The following SLC22A23 variants were observed in gnomAD, a reference collection of about 807,000 sequenced individuals.
SLC22A23 encodes solute carrier family 22 member 23, also known as ion transporter protein.
Under a neutral mutation model 61.0 loss-of-function variants are expected in SLC22A23, and 26 were observed. The observed-to-expected ratio is 0.43, with a 90% CI of 0.31 to 0.59. The LOEUF (loss-of-function observed/expected upper bound fraction) is 0.59. Among genes scored for constraint, SLC22A23 ranks in the 20% least tolerant of loss-of-function variants. The pLI, the probability that SLC22A23 is intolerant of heterozygous loss-of-function variation, is 0.11. For synonymous variants in SLC22A23, 430 were observed against 413.9 expected (o/e 1.04, Z -0.47); for missense variants, 796 against 934.7 (o/e 0.85, Z 1.94).
chr6:3,354,380 G>T (rs1464464930), intron 3 of SLC22A23, among the ~76,000 whole-genome samples: 1 of 152,198 alleles, frequency 6.6e-6, no homozygotes, highest in Admixed American at 6.5e-5. Flanking sequence ...TTTACATGAG[G>T]TGGGTTGGGT....
At chr6:3,455,215 A>G (rs1445380423) in intron 1 of SLC22A23, among the ~76,000 whole-genome samples, 1 of 152,176 alleles carries the variant, frequency 6.6e-6, no homozygotes, top group Non-Finnish European at 1.5e-5. Context: ...TTTCAGCTAA[A>G]GCACACCCCC....
At chr6:3,352,795 G>A (rs1291329185) in intron 3 of SLC22A23, among the ~76,000 whole-genome samples, 1 of 152,142 alleles carries the variant, frequency 6.6e-6, no homozygotes, top group African/African-American at 2.4e-5. Context: ...TCTGAGTGAA[G>A]GAAAAGCACA....
chr6:3,290,309 T>G (rs1760462778), intron 5 of SLC22A23: 1 of 208,704 alleles, frequency 4.8e-6, no homozygotes. Flanking sequence ...CACCCCCGGC[T>G]CGGAGACTGG....
At chr6:3,359,134 A>G (rs1765287547) in intron 3 of SLC22A23, among the ~76,000 whole-genome samples, 1 of 152,226 alleles carries the variant, frequency 6.6e-6, no homozygotes, top group Non-Finnish European at 1.5e-5. Context: ...CACGGGCTGC[A>G]TCCAGAATCA....
At position 3,360,428 on chromosome 6, in the gene SLC22A23, A is replaced by G. The variant is rs1765363650; in HGVS notation, c.914-36426T>C. ...TCAGGAGGATCAGAAAGGCTCAATCACCAGGAGGTGAGGTGAGTCACAGAG... is the reference window on the plus strand; with the variant it reads ...TCAGGAGGATCAGAAAGGCTCAATCGCCAGGAGGTGAGGTGAGTCACAGAG... On this transcript the variant is annotated intron_variant, in intron 3 of 9. Transcript: ENST00000406686. This position sits in a 1 kb window ranked among gnomAD's most constrained non-coding sequence, Gnocchi z 4.6. Among the ~76,000 whole-genome samples, 1 of 152,140 alleles carries G rather than the reference A, an allele frequency of 6.6e-6. No homozygotes were observed. The highest frequency in any genetic ancestry group is 1.5e-5 in the Non-Finnish European group (1 of 68,030).
chr6:3,280,628 T>TG (rs1759376634), intron 9 of SLC22A23, among the ~76,000 whole-genome samples: 1 of 151,442 alleles, frequency 6.6e-6, no homozygotes, highest in African/African-American at 2.4e-5. Flanking sequence ...CCTGAGTAGC[T>TG]GGGACTACAG....
chr6:3,310,288 AGGGAGCACCCTGT>A (rs1762284667), intron 4 of SLC22A23, among the ~76,000 whole-genome samples: 3 of 140,152 alleles, frequency 2.1e-5, no homozygotes, highest in African/African-American at 9.1e-5. Flanking sequence ...CCTGTCTCCC[AGGGAGCACCCTGT>A]CTCCCACTCA....
chr6:3,456,029 C>T lies in SLC22A23; in HGVS notation c.531G>A (p.Ala177=). ...AAGNRSNSSG[A]DGGDTPPLPS... is the part of the protein sequence containing the mutation. ...GCAGGGGTGGTGTGTCGCCTCCGTC[C>T]GCGCCGCTGCTGTTGCTCCGGTTGC... Residue 177 remains alanine, a synonymous_variant, in exon 1 of 10, where the codon GCG becomes GCA. Transcript: ENST00000406686. The surrounding 1 kb of genome is among the most constrained non-coding windows in gnomAD (Gnocchi z 7.1). 6.5e-7 allele frequency: 1 copy of T among 1,547,442 alleles called. No homozygotes were observed. Among genetic ancestry groups the T allele is most frequent in the Non-Finnish European group, 8.7e-7 (1 of 1,146,814 alleles).
chr6:3,451,908 G>A (rs537259329), intron 1 of SLC22A23, among the ~76,000 whole-genome samples: 1 of 152,160 alleles, frequency 6.6e-6, no homozygotes, highest in Non-Finnish European at 1.5e-5. Flanking sequence ...ATCGATAAGG[G>A]CTGCTTTATT....
chr6:3,285,180 CA>C, intron 7 of SLC22A23, 69 bp from the exon 8 acceptor site: 1 of 1,595,610 alleles, frequency 6.3e-7, no homozygotes, highest in Non-Finnish European at 8.5e-7. Flanking sequence ...GAAGAGAGCA[CA>C]TTAGGTGTGG....
chr6:3,414,059 C>G lies in SLC22A23; in HGVS notation c.758+1693G>C, dbSNP rs11758965. Among the ~76,000 whole-genome samples, 1,495 of 152,332 alleles carry G rather than the reference C, an allele frequency of 9.8e-3. 16 individuals are homozygous for G. Among genetic ancestry groups the G allele is most frequent in the Middle Eastern group, 0.024 (7 of 294 alleles). ...TGGTGTGTGATCAGGGAGGCCACATCACATGTGTGTACAAGAAGAAAGTTA... is the reference window on the plus strand; with the variant it reads ...TGGTGTGTGATCAGGGAGGCCACATGACATGTGTGTACAAGAAGAAAGTTA... On this transcript the variant is annotated intron_variant, in intron 2 of 9. Transcript: ENST00000406686. The surrounding 1 kb of genome is among the most constrained non-coding windows in gnomAD (Gnocchi z 5.1).
chr6:3,275,892 AAAG>A (rs1758852753), intron 9 of SLC22A23, among the ~76,000 whole-genome samples: 1 of 152,246 alleles, frequency 6.6e-6, no homozygotes, highest in Non-Finnish European at 1.5e-5. Context: ...TATAACTCAA[AAAG>A]AAGACAGATA....
chr6:3,455,756 TGG>T, intron 1 of SLC22A23, 148 bp downstream of exon 1: 1 of 952,308 alleles, frequency 1.1e-6, no homozygotes, highest in Non-Finnish European at 1.5e-6. Flanking sequence ...GCATGTGGTT[TGG>T]GGGACGGAAG....
intron 9 of SLC22A23, among the ~76,000 whole-genome samples, chr6:3,280,827 A>G (rs1291547566): frequency 2.0e-5 from 3 of 152,174 alleles, no homozygotes; most frequent in Non-Finnish European, 2.9e-5. Flanking sequence ...GAAGTTGAAC[A>G]GACTCTGATA....
At chr6:3,345,904 T>G (rs1581723732) in intron 3 of SLC22A23, among the ~76,000 whole-genome samples, 1 of 152,216 alleles carries the variant, frequency 6.6e-6, no homozygotes, top group Non-Finnish European at 1.5e-5. Flanking sequence ...GCTGTACATA[T>G]AGCCGAGCTT....
At chr6:3,315,812 T>C (rs567910102) in intron 4 of SLC22A23, among the ~76,000 whole-genome samples, 1 of 151,506 alleles carries the variant, frequency 6.6e-6, no homozygotes, top group Admixed American at 6.6e-5. Flanking sequence ...TGCAGTGAGC[T>C]GAGATCACGC....
chr6:3,383,524 C>T (rs965665860), intron 3 of SLC22A23, among the ~76,000 whole-genome samples: 1 of 152,286 alleles, frequency 6.6e-6, no homozygotes, highest in East Asian at 1.9e-4. Flanking sequence ...GTCAGTGTGA[C>T]GAGCGCTATG....
At chr6:3,391,546 G>C (rs1336798089) in intron 3 of SLC22A23, among the ~76,000 whole-genome samples, 2 of 152,152 alleles carry the variant, frequency 1.3e-5, no homozygotes, top group African/African-American at 4.8e-5. Flanking sequence ...CATGTTCCAT[G>C]AATTCATTCA....
rs758050018 is a variant in SLC22A23 at position 3,272,691 on chromosome 6, C to T, written c.*364G>A. 2.9e-4 allele frequency: 48 copies of T among 165,410 alleles called. No homozygotes were observed. Among genetic ancestry groups the T allele is most frequent in the Non-Finnish European group, 3.9e-4 (30 of 76,336 alleles). The allele number at this position is 165,410 out of a possible 1,614,324, so 10.2% of individuals were successfully genotyped here. A position where few individuals can be genotyped will look rare whatever the true frequency, so the allele number is the denominator to read the frequency against. On this transcript the variant is annotated 3_prime_UTR_variant, in exon 10 of 10. Transcript: ENST00000406686. Reference sequence around the variant, plus strand: ...CCGTGTCCCATCTCCCCAGAGGGACCGGCCATGGCCCTGGTCACTGTGGCA... The same window carrying T: ...CCGTGTCCCATCTCCCCAGAGGGACTGGCCATGGCCCTGGTCACTGTGGCA...
Sources: allele counts gnomAD v4.1 joint callset (sites outside exome capture counted in the v4.1 genomes callset), GRCh38; gene constraint gnomAD v4.1.1; non-coding constraint Gnocchi (gnomAD v3.1); transcripts MANE v1.5; gene names NCBI Gene and HGNC (gene_info 2026-07-23, HGNC 2026-07-21).